The following EML4 variants were observed in gnomAD, a reference collection of about 807,000 sequenced individuals.
The protein encoded by EML4 is EMAP like 4.
In EML4, 72 loss-of-function variants were observed where a neutral mutation model predicts 129.0. The ratio of observed to expected loss-of-function variants is 0.56; its 90% CI spans 0.46 to 0.68. The LOEUF (loss-of-function observed/expected upper bound fraction) is 0.68. Among genes scored for constraint, EML4 ranks in the 30% least tolerant of loss-of-function variants. The pLI, the probability that EML4 is intolerant of heterozygous loss-of-function variation, is 0.00. For synonymous variants in EML4, 532 were observed against 405.0 expected (o/e 1.31, Z -3.77); for missense variants, 1,363 against 1,190.6 (o/e 1.14, Z -2.13).
chr2:42,200,886 C>G (rs1284303942), intron 1 of EML4, among the ~76,000 whole-genome samples: 1 of 152,102 alleles, frequency 6.6e-6, no homozygotes, highest in African/African-American at 2.4e-5. Context: ...GAAATGAGGG[C>G]CCACTTAGAA....
Position 42,280,850 on chromosome 2 carries a change from AAGG to A in EML4, c.671_673del (p.Gly224del). 6.2e-7 allele frequency: 1 copy of A among 1,604,398 alleles called. No homozygotes were observed. The highest frequency in any genetic ancestry group is 8.5e-7 in the Non-Finnish European group (1 of 1,176,542). On this transcript the variant is annotated inframe_deletion and splice_region_variant, in exon 7 of 23. Transcript: ENST00000318522. ...TAACTTTTGTCTTGTGTTTCAACAG[AAGG>A]AGAATATATTAAAATGTTTATGCGC...
chr2:42,220,925 ACT>A (rs1444749958), intron 1 of EML4, among the ~76,000 whole-genome samples: 4 of 152,178 alleles, frequency 2.6e-5, no homozygotes, highest in African/African-American at 7.2e-5. Context: ...CAAGGCTCTA[ACT>A]CTCTTCATTT....
In EML4 at chr2:42,261,659, A is replaced by G. The variant is rs76950235; in HGVS notation, c.512+365A>G. On this transcript the variant is annotated intron_variant, in intron 4 of 22. Transcript: ENST00000318522. ...TTATAGCCATGGATAGAAAATGGCC[A>G]TATGTAATTGTCCTCACTGTATTTT... 1,019 of 160,848 alleles carry G rather than the reference A, an allele frequency of 6.3e-3. 12 individuals are homozygous for G. The highest frequency in any genetic ancestry group is 0.021 in the African/African-American group (861 of 41,878). 10.0% of individuals were successfully genotyped at this position (160,848 alleles called of 1,614,324 possible).
chr2:42,331,100 A>C lies in EML4; in HGVS notation c.*893A>C, dbSNP rs1318794980. On this transcript the variant is annotated 3_prime_UTR_variant, in exon 23 of 23. Transcript: ENST00000318522. ...CTAATTTCAGCTAAGCCTTCATCAT[A>C]ATTTGTTCCCTCAGTAATAGGAGAA... The C allele has an allele frequency of 4.6e-6, 1 of 218,336 alleles. No homozygotes were observed. The highest frequency in any genetic ancestry group is 9.2e-6 in the Non-Finnish European group (1 of 108,416). The allele number at this position is 218,336 out of a possible 1,614,324, so 13.5% of individuals were successfully genotyped here.
intron 1 of EML4, among the ~76,000 whole-genome samples, chr2:42,209,259 A>G (rs1185129056): frequency 6.6e-6 from 1 of 152,282 alleles, no homozygotes; most frequent in Non-Finnish European, 1.5e-5. Flanking sequence ...TTTTCCTTTT[A>G]TACAAATACC....
chr2:42,240,817 C>T (rs1004876295), intron 1 of EML4, among the ~76,000 whole-genome samples: 4 of 152,122 alleles, frequency 2.6e-5, no homozygotes, highest in African/African-American at 4.8e-5. Flanking sequence ...GTAAATTACA[C>T]GTGAAGAAAG....
chr2:42,178,583 TGGTGAGTATCC>T (rs1670752324), intron 1 of EML4, among the ~76,000 whole-genome samples: 1 of 152,100 alleles, frequency 6.6e-6, no homozygotes, highest in Non-Finnish European at 1.5e-5. Context: ...GTTTGTAGTG[TGGTGAGTATCC>T]CCCGTGTGGT....
chr2:42,303,563 T>C (rs1668419129), intron 16 of EML4, 117 bp downstream of exon 16: 3 of 1,124,632 alleles, frequency 2.7e-6, no homozygotes, highest in Non-Finnish European at 3.9e-6. Flanking sequence ...AAACATATGG[T>C]TTAGTAATAG....
At chr2:42,216,233 T>C (rs1056695718) in intron 1 of EML4, among the ~76,000 whole-genome samples, 5 of 50,454 alleles carry the variant, frequency 9.9e-5, no homozygotes, top group African/African-American at 1.5e-4. Flanking sequence ...CCCACTTCTT[T>C]TTTTTTTTTT....
At chr2:42,204,088 T>A (rs918507171) in intron 1 of EML4, among the ~76,000 whole-genome samples, 1 of 152,006 alleles carries the variant, frequency 6.6e-6, no homozygotes, top group African/African-American at 2.4e-5. Context: ...CCGGGCTAAT[T>A]TTTAAATTTT....
chr2:42,219,895 C>T (rs1673456589), intron 1 of EML4, among the ~76,000 whole-genome samples: 1 of 148,954 alleles, frequency 6.7e-6, no homozygotes, highest in East Asian at 2.0e-4. Flanking sequence ...TACTGCAGTG[C>T]AGCCTGGGCG....
chr2:42,266,920 A>G (rs1352248937), intron 6 of EML4, among the ~76,000 whole-genome samples: 1 of 152,192 alleles, frequency 6.6e-6, no homozygotes, highest in African/African-American at 2.4e-5. Flanking sequence ...GAGGAGAAGG[A>G]GATGTGTGGA....
chr2:42,206,054 C>T (rs1020226986), intron 1 of EML4, among the ~76,000 whole-genome samples: 5 of 152,146 alleles, frequency 3.3e-5, no homozygotes, highest in Non-Finnish European at 7.4e-5. Context: ...TTGACAATTA[C>T]TCTTGTTCTG....
chr2:42,227,960 C>G (rs1450989052), intron 1 of EML4, among the ~76,000 whole-genome samples: 1 of 152,192 alleles, frequency 6.6e-6, no homozygotes, highest in Non-Finnish European at 1.5e-5. Flanking sequence ...TGGCTCACAC[C>G]TGTAATCCCA....
rs1361458827 is a variant in EML4, at chr2:42,245,522, G to A, written c.43G>A (p.Ala15Thr). The A allele has an allele frequency of 1.9e-6, 3 of 1,612,472 alleles. No homozygotes were observed. The highest frequency in any genetic ancestry group is 2.2e-5 in the South Asian group (2 of 90,928). Residue 15 changes from alanine to threonine, a missense_variant, in exon 2 of 23, where the codon GCA becomes ACA. By Grantham distance (58) the Ala-to-Thr change is moderately conservative. Coordinates refer to ENST00000318522, the MANE Select transcript of EML4 (RefSeq NM_019063.5). ...TTTTATAGATGATAGTATTTCTGCTGCAAGTACTTCTGATGTTCAAGATCG... is the reference window on the plus strand; with the variant it reads ...TTTTATAGATGATAGTATTTCTGCTACAAGTACTTCTGATGTTCAAGATCG... Reference protein sequence around the residue: ...AGSLDDSISAASTSDVQDRLS... With the variant: ...AGSLDDSISATSTSDVQDRLS...
chr2:42,319,025 T>TA (rs1553395403), intron 19 of EML4, among the ~76,000 whole-genome samples: 14 of 151,790 alleles, frequency 9.2e-5, no homozygotes, highest in African/African-American at 2.9e-4. Flanking sequence ...TCAACCTTTT[T>TA]TAAAAAAAAA....
chr2:42,175,794 C>T (rs755495782), intron 1 of EML4, among the ~76,000 whole-genome samples: 1 of 152,144 alleles, frequency 6.6e-6, no homozygotes, highest in Non-Finnish European at 1.5e-5. Context: ...TCACCATGCC[C>T]AGCATCATAT....
At chr2:42,293,739 T>G (rs1464350143) in intron 11 of EML4, among the ~76,000 whole-genome samples, 1 of 152,092 alleles carries the variant, frequency 6.6e-6, no homozygotes, top group Non-Finnish European at 1.5e-5. Context: ...GCCTCCCAAG[T>G]AGCTGGGATA....
intron 2 of EML4, among the ~76,000 whole-genome samples, chr2:42,255,627 TA>T (rs1350167945): frequency 6.6e-6 from 1 of 152,192 alleles, no homozygotes; most frequent in Admixed American, 6.5e-5. Flanking sequence ...ATTTGAGGAT[TA>T]ATGTAACTTA....
Sources: allele counts gnomAD v4.1 joint callset (sites outside exome capture counted in the v4.1 genomes callset), GRCh38; gene constraint gnomAD v4.1.1; transcripts MANE v1.5; gene names NCBI Gene and HGNC (gene_info 2026-07-23, HGNC 2026-07-21).